The following NRXN3 variants were observed in gnomAD, a reference collection of about 807,000 sequenced individuals.
NRXN3 encodes the protein neurexin 3.
Under a neutral mutation model 137.6 loss-of-function variants are expected in NRXN3, and 32 were observed. That is an observed-to-expected ratio of 0.23 (90% CI 0.18 to 0.31). NRXN3 has a LOEUF of 0.31. Ranked by LOEUF, NRXN3 falls within the 10% of genes least tolerant of loss-of-function variation. The probability of loss-of-function intolerance (pLI) is 1.00; values close to 1 mark genes in which losing one functional copy is unlikely to be tolerated. For missense variants in NRXN3, 1,574 were observed against 2,062.5 expected, an observed-to-expected ratio of 0.76 and a Z score of 4.59; for synonymous variants, 798 against 784.5, an observed-to-expected ratio of 1.02 and a Z score of -0.29.
intron 19 of NRXN3, among the ~76,000 whole-genome samples, chr14:79,733,196 AT>A (rs1327051299): frequency 6.6e-6 from 1 of 152,202 alleles, no homozygotes; most frequent in Admixed American, 6.5e-5. Context: ...CTGATGATAA[AT>A]TTTTTTAAAA....
chr14:79,761,684 C>CAAAAAA (rs10599873), intron 19 of NRXN3, among the ~76,000 whole-genome samples: 4 of 78,874 alleles, frequency 5.1e-5, no homozygotes, highest in Admixed American at 1.4e-4. Flanking sequence ...GACTCTGTCT[C>CAAAAAA]AAAAAAAAAA....
chr14:78,222,371 G>A (rs1292263014), intron 1 of NRXN3, among the ~76,000 whole-genome samples: 1 of 152,124 alleles, frequency 6.6e-6, no homozygotes, highest in African/African-American at 2.4e-5. Context: ...CTAGAAGAGC[G>A]TGGGCTCACC....
chr14:78,660,026 C>G (rs2097824166), intron 6 of NRXN3, among the ~76,000 whole-genome samples: 2 of 152,020 alleles, frequency 1.3e-5, no homozygotes, highest in Admixed American at 1.3e-4. Flanking sequence ...GACAGGGATA[C>G]ATTTGAGGCT....
At chr14:78,428,710 T>C (rs942019233) in intron 4 of NRXN3, among the ~76,000 whole-genome samples, 1 of 152,040 alleles carries the variant, frequency 6.6e-6, no homozygotes, top group Non-Finnish European at 1.5e-5. Context: ...GACTGGCAGG[T>C]CTGAGATTGA....
intron 4 of NRXN3, among the ~76,000 whole-genome samples, chr14:78,373,595 G>C (rs560401698): frequency 1.3e-5 from 2 of 152,308 alleles, no homozygotes; most frequent in East Asian, 3.9e-4. Context: ...CTCCTGGATG[G>C]AACATAGATA....
intron 4 of NRXN3, among the ~76,000 whole-genome samples, chr14:78,639,929 A>G (rs2097604736): frequency 6.6e-6 from 1 of 152,266 alleles, no homozygotes; most frequent in Admixed American, 6.5e-5. Context: ...AATCCATGAC[A>G]CGTCCAGATG....
chr14:79,676,984 G>A (rs1050746663), intron 17 of NRXN3, among the ~76,000 whole-genome samples: 1 of 152,010 alleles, frequency 6.6e-6, no homozygotes, highest in Non-Finnish European at 1.5e-5. Flanking sequence ...GTACAACTGA[G>A]GTTTTTGGAG....
chr14:79,451,540 G>A (rs1392584306), intron 15 of NRXN3, among the ~76,000 whole-genome samples: 1 of 152,204 alleles, frequency 6.6e-6, no homozygotes, highest in East Asian at 1.9e-4. Flanking sequence ...TTACCAGTAA[G>A]AGGATCCCTT....
Position 78,529,401 on chromosome 14 carries a change from A to C in NRXN3, c.758-115719A>C, listed in dbSNP as rs1009152864. Among the ~76,000 whole-genome samples the C allele has an allele frequency of 2.6e-5, 4 of 152,316 alleles. No homozygotes were observed. The South Asian group carries it at 6.2e-4, about 24-fold the overall frequency. The stretch of plus-strand genomic sequence containing the variant: ...CAACTGTGACAAACTGGAGAGAGAG[A>C]TCATAGTAGAAACTAAGTTCTATAC... On this transcript the variant is annotated intron_variant, in intron 4 of 20. Transcript: ENST00000335750.
intron 15 of NRXN3, among the ~76,000 whole-genome samples, chr14:79,216,371 A>G (rs2068506163): frequency 6.6e-6 from 1 of 152,130 alleles, no homozygotes; most frequent in African/African-American, 2.4e-5. Flanking sequence ...ACACAGTTAC[A>G]TTTCCACCAC....
chr14:79,324,795 C>G lies in NRXN3; in HGVS notation c.3263-142426C>G, dbSNP rs1185206037. On this transcript the variant is annotated intron_variant, in intron 15 of 20. Transcript: ENST00000335750. ...AATAGCTTTATTCAATCATTAGAAC[C>G]TAAGCTTTCTTGTATCAATGTAAAG... Among the ~76,000 whole-genome samples, 4 of 152,114 alleles carry G rather than the reference C, an allele frequency of 2.6e-5. No homozygotes were observed. The East Asian group carries it at 7.7e-4, about 29-fold the overall frequency.
chr14:79,269,411 G>C (rs1272220385), intron 15 of NRXN3, among the ~76,000 whole-genome samples: 1 of 152,094 alleles, frequency 6.6e-6, no homozygotes, highest in Non-Finnish European at 1.5e-5. Flanking sequence ...CCTCACTCTA[G>C]AAGAAAATTC....
chr14:79,653,692 T>C (rs1239979179), intron 16 of NRXN3, among the ~76,000 whole-genome samples: 3 of 151,934 alleles, frequency 2.0e-5, no homozygotes, highest in African/African-American at 4.9e-5. Context: ...CCTCTTATTT[T>C]ATATAACTTA....
intron 16 of NRXN3, among the ~76,000 whole-genome samples, chr14:79,661,082 A>G (rs2098530982): frequency 1.3e-5 from 2 of 152,164 alleles, no homozygotes; most frequent in Non-Finnish European, 1.5e-5. Context: ...AATATTAGCT[A>G]TGGGCATGAA....
intron 16 of NRXN3, among the ~76,000 whole-genome samples, chr14:79,608,451 G>A (rs367858594): frequency 6.6e-6 from 1 of 152,178 alleles, no homozygotes; most frequent in East Asian, 1.9e-4. Context: ...GATTTCTCTG[G>A]TGTTGTGAAG....
At chr14:78,770,942 G>T (rs2098725659) in intron 8 of NRXN3, among the ~76,000 whole-genome samples, 1 of 152,196 alleles carries the variant, frequency 6.6e-6, no homozygotes, top group Non-Finnish European at 1.5e-5. Context: ...ATTGTTGGAG[G>T]TAACACGTAT....
chr14:78,968,166 T>A lies in NRXN3; in HGVS notation c.2969-7T>A. 6.3e-7 allele frequency: 1 copy of A among 1,576,848 alleles called. No individual in the cohort carries two copies. The highest frequency in any genetic ancestry group is 8.7e-7 in the Non-Finnish European group (1 of 1,154,862). On this transcript the variant is annotated splice_region_variant and splice_polypyrimidine_tract_variant and intron_variant, in intron 13 of 20. Transcript: ENST00000335750. ...CATTCTCTTTTGCTAATTACTTTCC[T>A]TTCCAGGTGATCTCTATATGGCTGG...
At position 78,803,874 on chromosome 14, in the gene NRXN3, C is replaced by G. The variant is rs746391828; in HGVS notation, c.2248+51C>G. 30 of 1,515,838 alleles carry G rather than the reference C, an allele frequency of 2.0e-5. No individual in the cohort carries two copies. The South Asian group carries it at 3.3e-4, about 17-fold the overall frequency. The allele number at this position is 1,515,838 out of a possible 1,614,324, so 93.9% of individuals were successfully genotyped here. ...CTTCGTTTGGGCTTGTCTTCCCTTT[C>G]TTTTCTGATTTTCATTGGTTTGATT... On this transcript the variant is annotated intron_variant, in intron 9 of 20. Transcript: ENST00000335750.
chr14:79,598,586 A>G (rs2097887658), intron 16 of NRXN3, among the ~76,000 whole-genome samples: 1 of 152,238 alleles, frequency 6.6e-6, no homozygotes, highest in Admixed American at 6.5e-5. Context: ...AAGCTCCGCT[A>G]TCCACAAAGC....
Sources: allele counts gnomAD v4.1 joint callset (sites outside exome capture counted in the v4.1 genomes callset), GRCh38; gene constraint gnomAD v4.1.1; transcripts MANE v1.5; gene names NCBI Gene and HGNC (gene_info 2026-07-23, HGNC 2026-07-21).